PIK3C3: variants seen among roughly 807,000 people sequenced by gnomAD.
PIK3C3 encodes the protein PI3-kinase type 3.
In PIK3C3, 95 loss-of-function variants were observed where a neutral mutation model predicts 126.1. That is an observed-to-expected ratio of 0.75 (90% CI 0.64 to 0.89). The LOEUF (loss-of-function observed/expected upper bound fraction) is 0.89, where lower values mean the gene tolerates loss of function less well. Ranked by LOEUF, PIK3C3 falls within the 40% of genes least tolerant of loss-of-function variation. The pLI is 0.00. For synonymous variants in PIK3C3, 374 were observed against 360.0 expected (o/e 1.04, Z -0.44); for missense variants, 829 against 1,063.2 (o/e 0.78, Z 3.06).
At chr18:42,024,801 T>C (rs1216346585) in intron 13 of PIK3C3, among the ~76,000 whole-genome samples, 1 of 149,770 alleles carries the variant, frequency 6.7e-6, no homozygotes. Context: ...ATATTTTTTT[T>C]CTTTTTTTTT....
chr18:42,006,946 C>T (rs139740226), intron 10 of PIK3C3, among the ~76,000 whole-genome samples: 1,600 of 147,460 alleles, frequency 0.011, 29 homozygotes, highest in African/African-American at 0.038. Context: ...TCACTGAAAG[C>T]TCTGCCTCCC....
chr18:41,999,508 A>G (rs1474470917), intron 9 of PIK3C3, among the ~76,000 whole-genome samples: 1 of 152,146 alleles, frequency 6.6e-6, no homozygotes, highest in Non-Finnish European at 1.5e-5. Context: ...GTGTCTCCTG[A>G]CAAGAAATTG....
At chr18:41,999,992 A>G (rs890376149) in intron 9 of PIK3C3, among the ~76,000 whole-genome samples, 5 of 152,220 alleles carry the variant, frequency 3.3e-5, no homozygotes, top group South Asian at 2.1e-4. Flanking sequence ...TAGGAATTCA[A>G]TTTTACTGGC....
intron 21 of PIK3C3, chr18:42,051,166 T>A (rs1023959516): frequency 6.6e-6 from 1 of 152,264 alleles, no homozygotes; most frequent in Admixed American, 6.5e-5. Context: ...TATCATCATC[T>A]TCTCCCCTTC....
At chr18:42,024,938 G>C (rs1450370319) in intron 13 of PIK3C3, among the ~76,000 whole-genome samples, 1 of 151,686 alleles carries the variant, frequency 6.6e-6, no homozygotes, top group Non-Finnish European at 1.5e-5. Context: ...CGAGCAGCTG[G>C]GACTACAGGC....
intron 16 of PIK3C3, among the ~76,000 whole-genome samples, chr18:42,036,865 C>T (rs1031693985): frequency 6.6e-6 from 1 of 152,118 alleles, no homozygotes; most frequent in Non-Finnish European, 1.5e-5. Context: ...AAATCTGAAA[C>T]TTTTTGAGTG....
chr18:42,082,647 CT>C lies in PIK3C3; in HGVS notation c.*1514del, dbSNP rs1458914783. On this transcript the variant is annotated 3_prime_UTR_variant, in exon 25 of 25. Coordinates refer to ENST00000262039, the MANE Select transcript of PIK3C3 (RefSeq NM_002647.4). The stretch of plus-strand genomic sequence containing the variant: ...ATTTCTATTGAAACTTCCTCCAAAA[CT>C]TTTCTCTGAATTACCCTTGTTGAAA... The C allele has an allele frequency of 6.6e-6, 1 of 152,156 alleles. No individual in the cohort carries two copies. Among genetic ancestry groups the C allele is most frequent in the Non-Finnish European group, 1.5e-5 (1 of 68,026 alleles). 9.4% of individuals were successfully genotyped at this position (152,156 alleles called of 1,614,324 possible).
intron 24 of PIK3C3, among the ~76,000 whole-genome samples, chr18:42,071,700 A>T (rs943667542): frequency 6.8e-4 from 103 of 151,794 alleles, no homozygotes; most frequent in African/African-American, 2.4e-3. Context: ...AGCCTGGGCA[A>T]CAGAGTGAGA....
At chr18:41,982,520 A>G (rs1981258290) in intron 4 of PIK3C3, among the ~76,000 whole-genome samples, 1 of 152,198 alleles carries the variant, frequency 6.6e-6, no homozygotes, top group Non-Finnish European at 1.5e-5. Flanking sequence ...CATTATCTTT[A>G]TAAAGGCTAA....
chr18:42,065,790 G>A (rs1181435040), intron 23 of PIK3C3, among the ~76,000 whole-genome samples: 1 of 152,056 alleles, frequency 6.6e-6, no homozygotes, highest in Non-Finnish European at 1.5e-5. Context: ...TATGTGTTAA[G>A]AATCTTAAGA....
At position 42,064,393 on chromosome 18, in the gene PIK3C3, T is replaced by A. The variant is rs1985447633; in HGVS notation, c.2433-347T>A. ...CTTCATCTAGCAAAAACAGATAGAT[T>A]TTAATTGTTATAAAATGTGAATTGC... On this transcript the variant is annotated intron_variant, in intron 22 of 24. Coordinates refer to ENST00000262039, the MANE Select transcript of PIK3C3 (RefSeq NM_002647.4). Among the ~76,000 whole-genome samples the A allele has an allele frequency of 2.0e-5, 3 of 152,146 alleles. No individual in the cohort carries two copies. In the South Asian group the frequency reaches 6.2e-4, roughly 32 times the overall value.
intron 3 of PIK3C3, 50 bp downstream of exon 3, chr18:41,962,682 C>T (rs1222356492): frequency 6.4e-7 from 1 of 1,552,524 alleles, no homozygotes; most frequent in Non-Finnish European, 8.7e-7. Context: ...CTTTCTGACC[C>T]TTTTCTTTTT....
intron 2 of PIK3C3, 97 bp downstream of exon 2, chr18:41,957,855 T>C (rs1979869104): frequency 2.3e-6 from 2 of 871,852 alleles, no homozygotes; most frequent in South Asian, 1.8e-5. Flanking sequence ...GAGGAATTTC[T>C]TAATACCTAT....
chr18:42,023,625 A>G (rs1983426202), intron 13 of PIK3C3, among the ~76,000 whole-genome samples: 1 of 152,196 alleles, frequency 6.6e-6, no homozygotes. Flanking sequence ...GAGAAAAGCT[A>G]TTGATGTGTG....
intron 14 of PIK3C3, among the ~76,000 whole-genome samples, 176 bp from the exon 15 acceptor site, chr18:42,029,149 T>G (rs1314432596): frequency 3.3e-5 from 5 of 152,196 alleles, no homozygotes; most frequent in African/African-American, 1.2e-4. Context: ...ATTAGTGGTG[T>G]TTAACTAAGA....
intron 18 of PIK3C3, among the ~76,000 whole-genome samples, chr18:42,039,129 C>T (rs1467044840): frequency 6.6e-6 from 1 of 151,878 alleles, no homozygotes; most frequent in Non-Finnish European, 1.5e-5. Flanking sequence ...ACACACACAC[C>T]CTCACACACA....
chr18:41,983,938 G>T (rs1981333796), intron 4 of PIK3C3, among the ~76,000 whole-genome samples: 1 of 150,554 alleles, frequency 6.6e-6, no homozygotes. Flanking sequence ...GGAGAAGTTA[G>T]GGCTAAATTA....
chr18:42,037,735 G>C lies in PIK3C3; in HGVS notation c.1883G>C (p.Gly628Ala). ...CAGTTGTTTTTTAAGACGGAAGATG[G>C]AGGCAAATATCCAGTTATATTTAAG... ...PAQLFFKTED[G>A]GKYPVIFKHG... Residue 628 changes from glycine (G) to alanine (A), a missense_variant, in exon 17 of 25, where the codon GGA becomes GCA. Gly to Ala is a moderately conservative substitution (Grantham distance 60). This residue lies in a region of PIK3C3 where 256 missense variants were observed against 291.0 expected (regional missense o/e 0.88). Coordinates refer to ENST00000262039, the MANE Select transcript of PIK3C3 (RefSeq NM_002647.4). 1 of 1,611,808 alleles carries C rather than the reference G, an allele frequency of 6.2e-7. No homozygotes were observed. Among genetic ancestry groups the C allele is most frequent in the Non-Finnish European group, 8.5e-7 (1 of 1,178,208 alleles).
intron 7 of PIK3C3, among the ~76,000 whole-genome samples, chr18:41,993,816 G>A (rs987707493): frequency 6.6e-6 from 1 of 152,078 alleles, no homozygotes; most frequent in Non-Finnish European, 1.5e-5. Flanking sequence ...TTGGAACGTG[G>A]TAACTTGGAT....
Sources: gnomAD v4.1 joint callset for allele counts (sites outside exome capture counted in the v4.1 genomes callset) on GRCh38, gnomAD v4.1.1 for gene constraint, gnomAD v4.1.1 regional missense constraint, MANE v1.5 for transcripts, NCBI Gene and HGNC (gene_info 2026-07-23, HGNC 2026-07-21) for gene names.